HHAT: variants seen among roughly 807,000 people sequenced by gnomAD.
HHAT encodes the protein protein-cysteine N-palmitoyltransferase HHAT.
HHAT carries 47 observed loss-of-function variants against 70.8 expected under a neutral mutation model. The observed-to-expected ratio is 0.66, with a 90% CI of 0.53 to 0.85. The LOEUF (loss-of-function observed/expected upper bound fraction) is 0.85. HHAT is among the 40% of genes least tolerant of loss of function. The pLI is 0.00. For missense variants in HHAT, 609 were observed against 604.8 expected, an observed-to-expected ratio of 1.01 and a Z score of -0.07; for synonymous variants, 228 against 247.6, an observed-to-expected ratio of 0.92 and a Z score of 0.74.
chr1:210,411,997 C>T (rs1014597750), intron 6 of HHAT, among the ~76,000 whole-genome samples: 1 of 152,116 alleles, frequency 6.6e-6, no homozygotes, highest in Non-Finnish European at 1.5e-5. Context: ...CTGGGAAGTC[C>T]AAGATCAAGA....
chr1:210,665,670 A>T (rs1333746497), intron 11 of HHAT, among the ~76,000 whole-genome samples: 4 of 152,186 alleles, frequency 2.6e-5, no homozygotes, highest in African/African-American at 7.2e-5. Context: ...TGGTAGATTT[A>T]AAAAACTAAG....
rs146573681 is a variant in HHAT, at chr1:210,599,443, G to A, written c.1245+11344G>A. Among the ~76,000 whole-genome samples, 14 of 152,214 alleles carry A rather than the reference G, an allele frequency of 9.2e-5. No individual in the cohort carries two copies. In the East Asian group the frequency reaches 1.2e-3, roughly 13 times the overall value. ...CTACCAGGTTTCTCAGACTTTGCAC[G>A]TGTAATATGGAGCTCGTGACCCCCT... On this transcript the variant is annotated intron_variant, in intron 10 of 11. Coordinates refer to ENST00000261458, the MANE Select transcript of HHAT (RefSeq NM_018194.6).
intron 7 of HHAT, among the ~76,000 whole-genome samples, chr1:210,454,712 G>A (rs1414728707): frequency 6.6e-6 from 1 of 152,192 alleles, no homozygotes; most frequent in Non-Finnish European, 1.5e-5. Context: ...AACAAGATGG[G>A]CAAATAGGAT....
At position 210,418,258 on chromosome 1, in the gene HHAT, C is replaced by A. The variant is rs576213719; in HGVS notation, c.789C>A (p.His263Gln). 216 of 1,613,878 alleles carry A rather than the reference C, an allele frequency of 1.3e-4. 1 individual carries two copies. The South Asian group carries it at 2.2e-3, about 17-fold the overall frequency. Residue 263 changes from histidine to glutamine, a missense_variant, in exon 7 of 12, where the codon CAC (histidine) becomes CAA (glutamine). Physicochemically the swap from His to Gln is conservative, Grantham distance 24. Coordinates refer to ENST00000261458, the MANE Select transcript of HHAT (RefSeq NM_018194.6). ...GGTGGCTGGCCGAGCTGATGGCTCA[C>A]CTGATGTACATGCATGCCATCTACA... ...CWWWLAELMAHLMYMHAIYSS... is the reference protein window; with the variant it reads ...CWWWLAELMAQLMYMHAIYSS...
In HHAT at chr1:210,548,117, C is replaced by T. The variant is rs142415766; in HGVS notation, c.1043+34929C>T. On this transcript the variant is annotated intron_variant, in intron 9 of 11. Coordinates refer to ENST00000261458, the MANE Select transcript of HHAT (RefSeq NM_018194.6). Reference sequence around the variant, plus strand: ...AGCAGTGATGGACTGTCCTCAGAGTCGCCATTGTCTTATGGAACATTTCTG... The same window carrying T: ...AGCAGTGATGGACTGTCCTCAGAGTTGCCATTGTCTTATGGAACATTTCTG... Among the ~76,000 whole-genome samples, 1,320 of 152,300 alleles carry T rather than the reference C, an allele frequency of 8.7e-3. 67 individuals carry two copies. Among genetic ancestry groups the T allele is most frequent in the Admixed American group, 0.068 (1,045 of 15,302 alleles).
chr1:210,403,086 C>G (rs949704360), intron 5 of HHAT, among the ~76,000 whole-genome samples: 1 of 152,170 alleles, frequency 6.6e-6, no homozygotes. Context: ...AAAATTGTAG[C>G]ATTTTGAAAG....
chr1:210,577,284 T>G (rs1658024482), intron 9 of HHAT, among the ~76,000 whole-genome samples: 2 of 152,190 alleles, frequency 1.3e-5, no homozygotes, highest in Admixed American at 1.3e-4. Flanking sequence ...AGACTTTCAG[T>G]TTTTCAATGT....
intron 11 of HHAT, among the ~76,000 whole-genome samples, chr1:210,656,987 G>A (rs539987899): frequency 1.3e-5 from 2 of 152,312 alleles, no homozygotes; most frequent in African/African-American, 4.8e-5. Flanking sequence ...TCTTGTACAG[G>A]ACCTAGGAGA....
chr1:210,477,500 T>C (rs1351891670), intron 8 of HHAT, among the ~76,000 whole-genome samples: 1 of 152,022 alleles, frequency 6.6e-6, no homozygotes, highest in Non-Finnish European at 1.5e-5. Flanking sequence ...GCCCACCTGA[T>C]GTCCACTGCA....
At chr1:210,329,160 C>T in intron 1 of HHAT, 56 bp downstream of exon 1, 1 of 1,251,492 alleles carries the variant, frequency 8.0e-7, no homozygotes, top group Non-Finnish European at 1.0e-6. Context: ...GAATTTTCTG[C>T]GTCAGTTTAC....
intron 3 of HHAT, among the ~76,000 whole-genome samples, chr1:210,376,483 A>G (rs2090228319): frequency 6.6e-6 from 1 of 152,204 alleles, no homozygotes. Flanking sequence ...TGTGTTTTAA[A>G]GTAAGTCTTA....
intron 3 of HHAT, chr1:210,374,082 A>ACAATGAATCACTTAAGCCTAAAGTTGCAC (rs2148076149): frequency 6.6e-6 from 1 of 152,338 alleles, no homozygotes; most frequent in Admixed American, 6.5e-5. Context: ...ACAAACAGTG[A>ACAATGAATCACTTAAGCCTAAAGTTGCAC]CAATGAATCA....
At chr1:210,423,843 G>A (rs1014321353) in intron 7 of HHAT, among the ~76,000 whole-genome samples, 3 of 152,012 alleles carry the variant, frequency 2.0e-5, no homozygotes, top group African/African-American at 7.2e-5. Context: ...AAAATCAGTT[G>A]GCTGTAGATA....
intron 2 of HHAT, among the ~76,000 whole-genome samples, chr1:210,353,254 A>T (rs887383974): frequency 2.0e-5 from 3 of 152,054 alleles, no homozygotes; most frequent in Non-Finnish European, 4.4e-5. Flanking sequence ...TTTACATTTA[A>T]TGTGAAAATG....
rs113078467 is a variant in HHAT at position 210,517,834 on chromosome 1, T to G, written c.1043+4646T>G. Among the ~76,000 whole-genome samples the G allele has an allele frequency of 4.7e-5, 6 of 128,830 alleles. No individual in the cohort carries two copies. In the East Asian group the frequency reaches 2.5e-3, roughly 54 times the overall value. 84.5% of individuals were successfully genotyped at this position (128,830 alleles called of 152,430 possible). On this transcript the variant is annotated intron_variant, in intron 9 of 11. Coordinates refer to ENST00000261458, the MANE Select transcript of HHAT (RefSeq NM_018194.6). ...AATTTTTGTCAGTTAAAAAATAATA[T>G]TTTAAAAACGATGAATGATACTTGT...
At chr1:210,429,769 A>G (rs1199222208) in intron 7 of HHAT, among the ~76,000 whole-genome samples, 1 of 151,848 alleles carries the variant, frequency 6.6e-6, no homozygotes, top group Non-Finnish European at 1.5e-5. Context: ...CTTTGCAATT[A>G]GCAAGCAACA....
At chr1:210,571,713 C>T (rs530825436) in intron 9 of HHAT, among the ~76,000 whole-genome samples, 1 of 152,286 alleles carries the variant, frequency 6.6e-6, no homozygotes, top group South Asian at 2.1e-4. Flanking sequence ...CACTTCTTTC[C>T]CCAACCCTTG....
chr1:210,439,300 T>A (rs1205874847), intron 7 of HHAT, among the ~76,000 whole-genome samples: 1 of 151,790 alleles, frequency 6.6e-6, no homozygotes, highest in Non-Finnish European at 1.5e-5. Context: ...ACATGATAAA[T>A]CCACTCAGAC....
Position 210,415,226 on chromosome 1 carries a change from C to T in HHAT, c.685-2928C>T, listed in dbSNP as rs115898838. ...GGACATTTGGGTTATTTCCTTTTAA[C>T]TTCTCGTTTATTAAAACAAACGTGA... On this transcript the variant is annotated intron_variant, in intron 6 of 11. Transcript: ENST00000261458. Among the ~76,000 whole-genome samples, 467 of 152,322 alleles carry T rather than the reference C, an allele frequency of 3.1e-3. 1 individual carries two copies. Among genetic ancestry groups the T allele is most frequent in the African/African-American group, 0.011 (449 of 41,564 alleles).
Sources: gnomAD v4.1 joint callset for allele counts (sites outside exome capture counted in the v4.1 genomes callset) on GRCh38, gnomAD v4.1.1 for gene constraint, MANE v1.5 for transcripts, NCBI Gene and HGNC (gene_info 2026-07-23, HGNC 2026-07-21) for gene names.